DIS3L: variants seen among roughly 807,000 people sequenced by gnomAD.
DIS3L encodes the protein DIS3 like exosome 3'-5' exoribonuclease, also known as DIS3-like exonuclease 1.
In DIS3L, 100 loss-of-function variants were observed where a neutral mutation model predicts 120.3. That is an observed-to-expected ratio of 0.83 (90% CI 0.71 to 0.98). The LOEUF is 0.98. DIS3L is among the 50% of genes least tolerant of loss of function. The probability of loss-of-function intolerance (pLI) is 0.00; values close to 1 mark genes in which losing one functional copy is unlikely to be tolerated. For missense variants in DIS3L, 1,196 were observed against 1,314.2 expected, an observed-to-expected ratio of 0.91 and a Z score of 1.39; for synonymous variants, 426 against 470.6, an observed-to-expected ratio of 0.91 and a Z score of 1.23.
chr15:66,293,805 G>A (rs1393829855), intron 1 of DIS3L, 70 bp downstream of exon 1: 1 of 1,087,664 alleles, frequency 9.2e-7, no homozygotes, highest in Non-Finnish European at 1.1e-6. Context: ...GCTGAGCGCG[G>A]CCGGGAGGCG....
At position 66,325,836 on chromosome 15, in the gene DIS3L, C is replaced by A. The variant is rs762433395; in HGVS notation, c.1673C>A (p.Ala558Asp). 1 of 1,599,244 alleles carries A rather than the reference C, an allele frequency of 6.3e-7. No homozygotes were observed. The highest frequency in any genetic ancestry group is 1.7e-5 in the Admixed American group (1 of 59,238). ...CAATGTTACTGTTTTTGTAGGTATG[C>A]TGTAAGCATCATGTGGGAACTGGAT... Reference protein sequence around the residue: ...CSLLGGVDRYAVSIMWELDKA... With the variant: ...CSLLGGVDRYDVSIMWELDKA... The change falls in exon 12 of 17, where the codon GCT becomes GAT. Residue 558 changes from alanine to aspartate, a missense_variant. Coordinates refer to ENST00000319212, the MANE Select transcript of DIS3L (RefSeq NM_001143688.3).
In DIS3L at chr15:66,325,574, T is replaced by C. The variant is rs2092926989; in HGVS notation, c.1668-257T>C. Among the ~76,000 whole-genome samples, 6 of 152,186 alleles carry C rather than the reference T, an allele frequency of 3.9e-5. No homozygotes were observed. In the South Asian group the frequency reaches 1.2e-3, roughly 32 times the overall value. The stretch of plus-strand genomic sequence containing the variant: ...AAACCTGTAGCTTTGTAATTTCTTT[T>C]AAGTTACAGTTAGGTCAAATTCCAC... On this transcript the variant is annotated intron_variant, in intron 11 of 16. Transcript: ENST00000319212.
chr15:66,328,063 C>T (rs766670243), intron 12 of DIS3L, among the ~76,000 whole-genome samples: 1 of 152,200 alleles, frequency 6.6e-6, no homozygotes, highest in Non-Finnish European at 1.5e-5. Flanking sequence ...GCATGCCAGG[C>T]ACATGGGACA....
At chr15:66,294,248 ACT>A in intron 1 of DIS3L, 1 of 984,800 alleles carries the variant, frequency 1.0e-6, no homozygotes, top group Non-Finnish European at 1.2e-6. Flanking sequence ...AGATTTGTGA[ACT>A]CTCTGGGCCC....
rs145203308 is a variant in DIS3L at position 66,312,915 on chromosome 15, G to A, written c.735+1015G>A. Among the ~76,000 whole-genome samples the A allele has an allele frequency of 4.4e-3, 673 of 152,266 alleles. 7 individuals carry two copies. Among genetic ancestry groups the A allele is most frequent in the African/African-American group, 0.015 (643 of 41,556 alleles). On this transcript the variant is annotated intron_variant, in intron 5 of 16. Coordinates refer to ENST00000319212, the MANE Select transcript of DIS3L (RefSeq NM_001143688.3). ...GATTTTAAATGAGTATGTCTAGAGA[G>A]GCTAATGTTTCCAACTTAGTAGTAA...
intron 15 of DIS3L, 55 bp downstream of exon 15, chr15:66,332,075 CACAA>C: frequency 1.3e-6 from 2 of 1,500,128 alleles, no homozygotes; most frequent in South Asian, 2.5e-5. Flanking sequence ...AAGTGTAGAA[CACAA>C]ACTGTACATT....
rs2092899177 is a variant in DIS3L at position 66,322,804 on chromosome 15, T to G, written c.1444T>G (p.Cys482Gly). The change falls in exon 10 of 17, where the codon TGT (cysteine) becomes GGT (glycine). Residue 482 changes from cysteine to glycine, a missense_variant. Transcript: ENST00000319212. ...CGTATTCAGCATTGACCCCAAAGGT[T>G]GTGAAGATGTGGATGACACACTCTC... is the stretch of plus-strand genomic sequence containing the variant. Reference protein sequence around the residue: ...HLVFSIDPKGCEDVDDTLSVR... With the variant: ...HLVFSIDPKGGEDVDDTLSVR... 1.2e-6 allele frequency: 2 copies of G among 1,614,158 alleles called. No individual in the cohort carries two copies. The highest frequency in any genetic ancestry group is 1.7e-6 in the Non-Finnish European group (2 of 1,180,018).
chr15:66,313,751 GTATATGTGTGTGTGTGTGTATATA>G (rs892465092), intron 5 of DIS3L, among the ~76,000 whole-genome samples: 4 of 150,022 alleles, frequency 2.7e-5, no homozygotes, highest in African/African-American at 7.3e-5. Flanking sequence ...AAAAAAAAGT[GTATATGTGTGTGTGTGTGTATATA>G]TATATGTGTG....
chr15:66,311,024 G>A (rs1298172248), intron 4 of DIS3L, among the ~76,000 whole-genome samples: 1 of 140,698 alleles, frequency 7.1e-6, no homozygotes, highest in Non-Finnish European at 1.5e-5. Flanking sequence ...ACTCCAGCAT[G>A]GGCAACAGAG....
At chr15:66,293,335 A>G (rs1387754719), upstream of DIS3L, 1 of 418,666 alleles carries the variant, frequency 2.4e-6, no homozygotes, top group Non-Finnish European at 3.5e-6. Flanking sequence ...CCTGCCGTCC[A>G]GGTATCATCC....
At position 66,329,011 on chromosome 15, in the gene DIS3L, A is replaced by C; in HGVS notation, c.2243A>C (p.Asp748Ala). ...TLADSLDNAN[D>A]PHDPIVNRLL... Reference sequence around the variant, plus strand: ...GCTGATTCTCTGGATAATGCGAACGACCCCCACGATCCCATTGTGAACAGG... The same window carrying C: ...GCTGATTCTCTGGATAATGCGAACGCCCCCCACGATCCCATTGTGAACAGG... The change falls in exon 13 of 17, where the codon GAC (aspartate) becomes GCC (alanine). Residue 748 changes from aspartate to alanine, a missense_variant. Transcript: ENST00000319212. 1.2e-6 allele frequency: 2 copies of C among 1,613,796 alleles called. No homozygotes were observed.
chr15:66,307,377 G>T (rs1051027664), intron 3 of DIS3L, among the ~76,000 whole-genome samples: 1 of 151,816 alleles, frequency 6.6e-6, no homozygotes, highest in Admixed American at 6.6e-5. Context: ...ACTCACTGCA[G>T]CCTCGACCTC....
At chr15:66,308,871 A>T in intron 4 of DIS3L, 27 bp downstream of exon 4, 1 of 1,598,338 alleles carries the variant, frequency 6.3e-7, no homozygotes, top group Non-Finnish European at 8.6e-7. Flanking sequence ...TATATGTATG[A>T]GTGCTCATTT....
intron 2 of DIS3L, among the ~76,000 whole-genome samples, chr15:66,296,503 A>G (rs916969855): frequency 1.1e-4 from 16 of 150,722 alleles, no homozygotes; most frequent in Non-Finnish European, 1.8e-4. Flanking sequence ...TGGGGAATAA[A>G]AAAGAAGTCT....
intron 4 of DIS3L, among the ~76,000 whole-genome samples, chr15:66,310,789 G>A (rs1356444931): frequency 6.6e-6 from 1 of 152,168 alleles, no homozygotes; most frequent in Non-Finnish European, 1.5e-5. Context: ...AAGAGAGAAT[G>A]TGCTAGACTC....
At position 66,325,910 on chromosome 15, in the gene DIS3L, C is replaced by T. The variant is rs777537433; in HGVS notation, c.1747C>T (p.Arg583Ter). The change falls in exon 12 of 17, where the codon CGA becomes TGA. Residue 583 changes from arginine (R) to a stop codon, truncating the protein, a stop_gained. Coordinates refer to ENST00000319212, the MANE Select transcript of DIS3L (RefSeq NM_001143688.3). LOFTEE classifies it high-confidence loss of function. Reference protein sequence around the residue: ...KKVWYGRTIIRSAYKLFYEAA... With the variant: ...KKVWYGRTII ...AGTGTGGTATGGCAGAACCATTATT[C>T]GATCAGCATACAAACTGTTCTATGA... 7.4e-6 allele frequency: 12 copies of T among 1,613,980 alleles called. No individual in the cohort carries two copies. The highest frequency in any genetic ancestry group is 1.7e-5 in the Admixed American group (1 of 59,982).
intron 7 of DIS3L, among the ~76,000 whole-genome samples, chr15:66,316,307 C>CTTT (rs80217505): frequency 6.8e-6 from 1 of 146,572 alleles, no homozygotes; most frequent in Non-Finnish European, 1.5e-5. Flanking sequence ...TTATCCTTGA[C>CTTT]TTTTTTTTTT....
chr15:66,328,546 T>C (rs145893617), intron 12 of DIS3L, among the ~76,000 whole-genome samples: 1,675 of 152,252 alleles, frequency 0.011, 18 homozygotes, highest in South Asian at 0.051. Flanking sequence ...ATTTTGAGAA[T>C]AAATAAATAG....
rs749562829 is a variant in DIS3L at position 66,294,466 on chromosome 15, A to C, written c.140-522A>C. 1.3e-5 allele frequency: 13 copies of C among 986,176 alleles called. No individual in the cohort carries two copies. In the South Asian group the frequency reaches 3.3e-4, roughly 25 times the overall value. The allele number at this position is 986,176 out of a possible 1,614,324, so 61.1% of individuals were successfully genotyped here. ...TGATTAAGGTGAACATTTCAGTTAGAGCTTGGCTAACCAGCTCTCAGATGC... is the reference window on the plus strand; with the variant it reads ...TGATTAAGGTGAACATTTCAGTTAGCGCTTGGCTAACCAGCTCTCAGATGC... On this transcript the variant is annotated intron_variant, in intron 1 of 16. Transcript: ENST00000319212.
Sources: gnomAD v4.1 joint callset for allele counts (sites outside exome capture counted in the v4.1 genomes callset) on GRCh38, gnomAD v4.1.1 for gene constraint, MANE v1.5 for transcripts, NCBI Gene and HGNC (gene_info 2026-07-23, HGNC 2026-07-21) for gene names.